Variants in SIK3 observed in about 807,000 individuals in gnomAD.
The protein encoded by SIK3 is serine/threonine-protein kinase SIK3.
SIK3 carries 28 observed loss-of-function variants against 144.2 expected under a neutral mutation model. The ratio of observed to expected loss-of-function variants is 0.19; its 90% confidence interval spans 0.14 to 0.27. The LOEUF is 0.27. Among genes scored for constraint, SIK3 ranks in the 10% least tolerant of loss-of-function variants. SIK3 has a pLI of 1.00. For synonymous variants in SIK3, 686 were observed against 676.3 expected, an observed-to-expected ratio of 1.01 and a Z score of -0.22; for missense variants, 1,319 against 1,776.0, an observed-to-expected ratio of 0.74 and a Z score of 4.62.
At chr11:116,974,581 T>C (rs892246706) in intron 1 of SIK3, among the ~76,000 whole-genome samples, 1 of 152,130 alleles carries the variant, frequency 6.6e-6, no homozygotes, top group African/African-American at 2.4e-5. Context: ...TTTGTTTTTG[T>C]AGAGACAGTG....
rs541579641 is a variant in SIK3 at position 116,899,766 on chromosome 11, G to T, written c.617-2449C>A. Among the ~76,000 whole-genome samples the T allele has an allele frequency of 2.0e-5, 3 of 152,104 alleles. No homozygotes were observed. The South Asian group carries it at 6.2e-4, about 32-fold the overall frequency. ...CTGGTGTAGAAATGCTTTTATTTAT[G>T]TATGTGTACCCATGTGACAGGCTAG... On this transcript the variant is annotated intron_variant, in intron 4 of 24. Transcript: ENST00000445177.
intron 21 of SIK3, among the ~76,000 whole-genome samples, chr11:116,853,837 T>C (rs764880544): frequency 7.2e-5 from 11 of 152,238 alleles, no homozygotes; most frequent in African/African-American, 1.2e-4. Flanking sequence ...TGTACCACTA[T>C]AGAAGAAAGA....
chr11:117,069,912 C>T (rs1954189854), intron 1 of SIK3, among the ~76,000 whole-genome samples: 1 of 152,116 alleles, frequency 6.6e-6, no homozygotes, highest in Non-Finnish European at 1.5e-5. Flanking sequence ...TTTTCTATTT[C>T]TAAAAATCTT....
At chr11:116,941,102 G>C (rs1332904097) in intron 3 of SIK3, among the ~76,000 whole-genome samples, 1 of 152,102 alleles carries the variant, frequency 6.6e-6, no homozygotes, top group Non-Finnish European at 1.5e-5. Context: ...CGCCTCCTGG[G>C]TTCAGGCCAT....
rs1689519414 is a variant in SIK3, at chr11:116,870,415, G to A, written c.1738-14C>T. ...TGCTGGCACTGCCTGAAGAGAGACA[G>A]GAAGGAAAAGCTCAAGGTGGCAGCT... On this transcript the variant is annotated splice_polypyrimidine_tract_variant and intron_variant, in intron 13 of 24. Coordinates refer to ENST00000445177, the MANE Select transcript of SIK3 (RefSeq NM_001366686.3). The A allele has an allele frequency of 1.2e-6, 2 of 1,612,234 alleles. No homozygotes were observed. The highest frequency in any genetic ancestry group is 1.7e-6 in the Non-Finnish European group (2 of 1,179,998).
intron 1 of SIK3, among the ~76,000 whole-genome samples, chr11:117,019,268 C>T (rs545831615): frequency 4.9e-4 from 74 of 152,232 alleles, no homozygotes; most frequent in African/African-American, 1.7e-3. Flanking sequence ...AATCCACCCA[C>T]CTCAGCCTCC....
chr11:117,037,847 T>C (rs1952580554), intron 1 of SIK3, among the ~76,000 whole-genome samples: 1 of 152,226 alleles, frequency 6.6e-6, no homozygotes, highest in African/African-American at 2.4e-5. Flanking sequence ...TTCAAACACC[T>C]GACCCTGGTT....
In SIK3 at chr11:116,857,973, T is replaced by G. The variant is rs764893560; in HGVS notation, c.3492A>C (p.Thr1164=). The change falls in exon 21 of 25, where the codon ACA becomes ACC. Residue 1164 remains threonine, a synonymous_variant. Coordinates refer to ENST00000445177, the MANE Select transcript of SIK3 (RefSeq NM_001366686.3). Reference sequence around the variant, plus strand: ...GGCTGTCATGGCAACCTTTGGTCAATGTACTTGAACTCTTACTGTCTTGGA... The same window carrying G: ...GGCTGTCATGGCAACCTTTGGTCAAGGTACTTGAACTCTTACTGTCTTGGA... The part of the protein sequence containing the change: ...DGFQDSKSSS[T]LTKGCHDSPL... 6.2e-7 allele frequency: 1 copy of G among 1,614,232 alleles called. No individual in the cohort carries two copies. Among genetic ancestry groups the G allele is most frequent in the South Asian group, 1.1e-5 (1 of 91,090 alleles).
intron 1 of SIK3, among the ~76,000 whole-genome samples, chr11:116,999,608 T>C (rs2050044451): frequency 1.3e-5 from 2 of 152,126 alleles, no homozygotes; most frequent in South Asian, 4.1e-4. Context: ...TCTTTTTTGT[T>C]TTTTCAGTAG....
At chr11:117,053,027 T>C (rs1158611783) in intron 1 of SIK3, among the ~76,000 whole-genome samples, 7 of 152,054 alleles carry the variant, frequency 4.6e-5, no homozygotes, top group Non-Finnish European at 1.0e-4. Context: ...CCACAGTCTA[T>C]TGGGAAATAT....
intron 4 of SIK3, among the ~76,000 whole-genome samples, chr11:116,907,236 AT>A (rs1415259865): frequency 6.6e-6 from 1 of 152,258 alleles, no homozygotes; most frequent in Non-Finnish European, 1.5e-5. Flanking sequence ...TATGAATCAG[AT>A]GCAGCCTATA....
At chr11:117,052,863 T>C (rs532676990) in intron 1 of SIK3, among the ~76,000 whole-genome samples, 3 of 152,316 alleles carry the variant, frequency 2.0e-5, no homozygotes, top group South Asian at 2.1e-4. Flanking sequence ...AAAGCAATAC[T>C]TTCCAGATGC....
intron 3 of SIK3, among the ~76,000 whole-genome samples, chr11:116,953,016 CCT>C (rs1248583047): frequency 4.0e-5 from 6 of 151,872 alleles, no homozygotes; most frequent in African/African-American, 1.5e-4. Context: ...AATAATGATA[CCT>C]CTTTTAAAAA....
At chr11:116,960,439 T>C (rs1949299057) in intron 1 of SIK3, among the ~76,000 whole-genome samples, 2 of 152,144 alleles carry the variant, frequency 1.3e-5, no homozygotes, top group South Asian at 2.1e-4. Context: ...GACAGAAGGA[T>C]TGCATGAGCC....
At chr11:117,072,484 A>G (rs17582203) in intron 1 of SIK3, among the ~76,000 whole-genome samples, 40 of 152,360 alleles carry the variant, frequency 2.6e-4, no homozygotes, top group Middle Eastern at 6.8e-3. Flanking sequence ...CTAAAAGTGT[A>G]AACAGCTATT....
At chr11:116,917,166 G>A (rs1372479952) in intron 4 of SIK3, among the ~76,000 whole-genome samples, 1 of 151,930 alleles carries the variant, frequency 6.6e-6, no homozygotes, top group Non-Finnish European at 1.5e-5. Flanking sequence ...CAGAATCAGA[G>A]TGAAGGAGCA....
At chr11:117,013,808 AC>A (rs140947361) in intron 1 of SIK3, among the ~76,000 whole-genome samples, 23,648 of 146,092 alleles carry the variant, frequency 0.16, 2,027 homozygotes, top group Admixed American at 0.22. Context: ...TAAAACTGAG[AC>A]CCAGAGAAGG....
rs374757352 is a variant in SIK3, at chr11:117,026,804, C to T, written c.274-69740G>A. 5.3e-5 allele frequency among the ~76,000 whole-genome samples: 8 copies of T among 152,262 alleles called. No individual in the cohort carries two copies. The South Asian group carries it at 1.7e-3, about 32-fold the overall frequency. On this transcript the variant is annotated intron_variant, in intron 1 of 24. Coordinates refer to ENST00000445177, the MANE Select transcript of SIK3 (RefSeq NM_001366686.3). ...CCAGCTCTCCAGCTGCTAAGCTGTC[C>T]CTTTCATCAATCTAAAATGAGTCAT...
chr11:116,897,507 T>C (rs1278893137), intron 4 of SIK3, among the ~76,000 whole-genome samples, 190 bp from the exon 5 acceptor site: 2 of 152,222 alleles, frequency 1.3e-5, no homozygotes, highest in Non-Finnish European at 2.9e-5. Flanking sequence ...TGAGCTGAAA[T>C]ATAAACATGA....
Sources: gnomAD v4.1 joint callset for allele counts (sites outside exome capture counted in the v4.1 genomes callset) on GRCh38, gnomAD v4.1.1 for gene constraint, MANE v1.5 for transcripts, NCBI Gene and HGNC (gene_info 2026-07-23, HGNC 2026-07-21) for gene names.